The following NRG4 variants were observed in gnomAD, a reference collection of about 807,000 sequenced individuals.
NRG4 encodes neuregulin 4.
NRG4 carries 10 observed loss-of-function variants against 15.0 expected under a neutral mutation model. The ratio of observed to expected loss-of-function variants is 0.67; its 90% confidence interval spans 0.41 to 1.13. The LOEUF is 1.13. Ranked by LOEUF, NRG4 falls within the 50% of genes most tolerant of loss-of-function variation. NRG4 has a pLI of 0.00. For synonymous variants in NRG4, 41 were observed against 50.1 expected, an observed-to-expected ratio of 0.82 and a Z score of 0.77; for missense variants, 139 against 140.2, an observed-to-expected ratio of 0.99 and a Z score of 0.04.
chr15:76,033,040 T>C (rs766570961), intron 5 of NRG4, among the ~76,000 whole-genome samples: 12 of 152,230 alleles, frequency 7.9e-5, no homozygotes, highest in African/African-American at 1.2e-4. Flanking sequence ...TCTTACTACA[T>C]GGGAAACCAA....
chr15:76,028,807 G>A lies in NRG4; in HGVS notation c.-57+7137C>T, dbSNP rs185645413. Among the ~76,000 whole-genome samples the A allele has an allele frequency of 5.5e-4, 83 of 151,294 alleles. 1 individual carries two copies. Among genetic ancestry groups the A allele is most frequent in the African/African-American group, 1.9e-3 (77 of 41,144 alleles). ...CCCAGCTACTTGGGAGGCTGAGGCA[G>A]GAGAATTGCCTGAACCCGGGAGGGG... On this transcript the variant is annotated intron_variant, in intron 5 of 8. Coordinates refer to the NRG4 transcript ENST00000563910.
At chr15:75,950,880 C>G (rs886351878) in intron 5 of NRG4, 2 of 175,642 alleles carry the variant, frequency 1.1e-5, no homozygotes, top group African/African-American at 4.7e-5. Flanking sequence ...TGTCTTCCTC[C>G]CTTTTGCTTT....
intron 3 of NRG4, among the ~76,000 whole-genome samples, chr15:75,992,773 A>G (rs2034066479): frequency 6.6e-6 from 1 of 152,116 alleles, no homozygotes; most frequent in Non-Finnish European, 1.5e-5. Flanking sequence ...ATTTGGGGTT[A>G]TTTTGCAAAT....
At chr15:75,973,701 A>G (rs950259202) in intron 3 of NRG4, among the ~76,000 whole-genome samples, 2 of 152,222 alleles carry the variant, frequency 1.3e-5, no homozygotes, top group Admixed American at 6.5e-5. Flanking sequence ...CCAGCCTTGC[A>G]TCCCAGGGAT....
chr15:75,995,263 T>C (rs1476544691), intron 3 of NRG4, among the ~76,000 whole-genome samples: 1 of 151,862 alleles, frequency 6.6e-6, no homozygotes, highest in African/African-American at 2.4e-5. Flanking sequence ...CTGGAGGCTA[T>C]ACAGGAAGCA....
chr15:75,989,675 T>G (rs1364193915), intron 3 of NRG4, among the ~76,000 whole-genome samples: 2 of 152,238 alleles, frequency 1.3e-5, no homozygotes, highest in African/African-American at 4.8e-5. Context: ...GGTTTTCTTT[T>G]AAATTCTTTA....
At position 76,020,777 on chromosome 15, in the gene NRG4, G is replaced by T. The variant is rs547611812; in HGVS notation, c.-56-9491C>A. ...CCTAATTCTTATAAATTCTATGAAG[G>T]CCGAGAGAGGTAAAGAAGCAGCAGA... is the stretch of plus-strand genomic sequence containing the variant. On this transcript the variant is annotated intron_variant, in intron 5 of 8. Coordinates refer to the NRG4 transcript ENST00000563910. Among the ~76,000 whole-genome samples the T allele has an allele frequency of 9.2e-5, 14 of 152,336 alleles. No individual in the cohort carries two copies. The South Asian group carries it at 2.7e-3, about 29-fold the overall frequency.
chr15:76,026,899 G>A (rs923794402), intron 5 of NRG4, among the ~76,000 whole-genome samples: 3 of 152,090 alleles, frequency 2.0e-5, no homozygotes, highest in African/African-American at 7.2e-5. Context: ...AAGGTGGGTG[G>A]ATCATGAGGT....
chr15:75,940,316 A>G (rs1019224346), downstream of NRG4: 1 of 152,032 alleles, frequency 6.6e-6, no homozygotes, highest in African/African-American at 2.4e-5. Flanking sequence ...AATGAAAACT[A>G]CAAAACATTG....
chr15:76,002,652 T>G (rs764020367), intron 3 of NRG4, among the ~76,000 whole-genome samples: 33 of 152,124 alleles, frequency 2.2e-4, no homozygotes, highest in Non-Finnish European at 4.1e-4. Flanking sequence ...ACAGATACAC[T>G]GTGTAAAACA....
Position 76,053,629 on chromosome 15 carries a change from T to C in NRG4, c.-261-646A>G, listed in dbSNP as rs570177437. Among the ~76,000 whole-genome samples, 35 of 150,928 alleles carry C rather than the reference T, an allele frequency of 2.3e-4. 1 individual carries two copies. The highest frequency in any genetic ancestry group is 7.7e-4 in the African/African-American group (31 of 40,484). On this transcript the variant is annotated intron_variant, in intron 2 of 8. Transcript: ENST00000563910. ...TGGAGCACAGTGGCACAATCTTGGCTCACTGCAACCTCCGCCTCCTGGTTC... is the reference window on the plus strand; with the variant it reads ...TGGAGCACAGTGGCACAATCTTGGCCCACTGCAACCTCCGCCTCCTGGTTC...
chr15:75,937,427 T>G (rs1391725478), downstream of NRG4: 1 of 142,912 alleles, frequency 7.0e-6, no homozygotes, highest in Non-Finnish European at 1.5e-5. Flanking sequence ...GAGAATGGTG[T>G]GAACCTGGGA....
At chr15:75,944,814 CTG>C (rs2031370898) in intron 5 of NRG4, among the ~76,000 whole-genome samples, 1 of 151,882 alleles carries the variant, frequency 6.6e-6, no homozygotes, top group Non-Finnish European at 1.5e-5. Context: ...CAGTTATTGA[CTG>C]AGATTGTTCA....
rs1471259750 is a variant in NRG4 at position 75,977,300 on chromosome 15, T to G, written c.105-15326A>C. Among the ~76,000 whole-genome samples, 2 of 152,190 alleles carry G rather than the reference T, an allele frequency of 1.3e-5. No homozygotes were observed. Among genetic ancestry groups the G allele is most frequent in the African/African-American group, 4.8e-5 (2 of 41,442 alleles). On this transcript the variant is annotated intron_variant, in intron 3 of 5. Coordinates refer to ENST00000394907, the MANE Select transcript of NRG4 (RefSeq NM_138573.4). This position sits in a 1 kb window ranked among gnomAD's most constrained non-coding sequence, Gnocchi z 4.9. ...CACTGAGCTAGACCACTTGGCTCCC[T>G]GGCTTCAGCCCCCTTTCCAGGGGAG... is the stretch of plus-strand genomic sequence containing the variant.
intron 3 of NRG4, among the ~76,000 whole-genome samples, chr15:75,965,688 G>A (rs1452378021): frequency 6.6e-6 from 1 of 152,178 alleles, no homozygotes; most frequent in Non-Finnish European, 1.5e-5. Flanking sequence ...TAAAGCTCTA[G>A]CTCATTTATG....
chr15:75,967,772 ATTCTT>A (rs1475536727), intron 3 of NRG4, among the ~76,000 whole-genome samples: 1 of 152,038 alleles, frequency 6.6e-6, no homozygotes, highest in Non-Finnish European at 1.5e-5. Context: ...GCAAAATCTG[ATTCTT>A]TTAAGATTGA....
upstream of NRG4, among the ~76,000 whole-genome samples, chr15:76,016,214 G>A (rs892779642): frequency 1.3e-5 from 2 of 151,884 alleles, no homozygotes; most frequent in East Asian, 1.9e-4. Flanking sequence ...ATTTTTTATT[G>A]TGTCTATTTG....
chr15:75,945,501 T>C (rs1167725685), intron 5 of NRG4, among the ~76,000 whole-genome samples: 1 of 152,172 alleles, frequency 6.6e-6, no homozygotes. Flanking sequence ...AATTTCTTCA[T>C]GGTTATTTAA....
intron 4 of NRG4, among the ~76,000 whole-genome samples, chr15:76,046,326 T>G (rs2141959607): frequency 6.6e-6 from 1 of 151,150 alleles, no homozygotes; most frequent in East Asian, 1.9e-4. Context: ...GCGAACGGCG[T>G]TCTTTATAAA....
Sources: allele counts gnomAD v4.1 joint callset (sites outside exome capture counted in the v4.1 genomes callset), GRCh38; gene constraint gnomAD v4.1.1; non-coding constraint Gnocchi (gnomAD v3.1); transcripts MANE v1.5; gene names NCBI Gene and HGNC (gene_info 2026-07-23, HGNC 2026-07-21).